MACROD2: variants seen among roughly 807,000 people sequenced by gnomAD.
The protein encoded by MACROD2 is ADP-ribose glycohydrolase MACROD2.
Under a neutral mutation model 70.4 loss-of-function variants are expected in MACROD2, and 36 were observed. That is an observed-to-expected ratio of 0.51 (90% confidence interval 0.39 to 0.68). The LOEUF is 0.68. Ranked by LOEUF, MACROD2 falls within the 30% of genes least tolerant of loss-of-function variation. The probability of loss-of-function intolerance (pLI) is 0.00; values close to 1 mark genes in which losing one functional copy is unlikely to be tolerated. For synonymous variants in MACROD2, 172 were observed against 178.8 expected, an observed-to-expected ratio of 0.96 and a Z score of 0.30; for missense variants, 496 against 538.4, an observed-to-expected ratio of 0.92 and a Z score of 0.78.
At chr20:15,971,883 A>G (rs954611980) in intron 13 of MACROD2, among the ~76,000 whole-genome samples, 1 of 152,200 alleles carries the variant, frequency 6.6e-6, no homozygotes, top group African/African-American at 2.4e-5. Flanking sequence ...GGAAAAGAAA[A>G]GTTGATAAAT....
At chr20:15,028,209 T>C (rs1386434843) in intron 5 of MACROD2, among the ~76,000 whole-genome samples, 2 of 152,180 alleles carry the variant, frequency 1.3e-5, no homozygotes, top group Non-Finnish European at 2.9e-5. Flanking sequence ...GCCATTTCGA[T>C]AGAGAATTCT....
rs57914856 is a variant in MACROD2 at position 15,447,051 on chromosome 20, CGTGTGTGTGTGTGT to C, written c.571+15639_571+15652del. Among the ~76,000 whole-genome samples the C allele has an allele frequency of 8.5e-4, 125 of 146,658 alleles. 3 individuals are homozygous for C. The East Asian group carries it at 0.023, about 28-fold the overall frequency. The stretch of plus-strand genomic sequence containing the variant: ...GGCAGTACTGGGACCTAAGAGTGTG[CGTGTGTGTGTGTGT>C]GTGTGTGTGTGTGTGTGTGTGTCTG... On this transcript the variant is annotated intron_variant, in intron 7 of 17. Transcript: ENST00000684519.
intron 4 of MACROD2, among the ~76,000 whole-genome samples, chr20:14,676,214 G>T (rs928648449): frequency 6.6e-6 from 1 of 152,104 alleles, no homozygotes; most frequent in Non-Finnish European, 1.5e-5. Flanking sequence ...GACATCTACA[G>T]AACTCTCCAC....
intron 5 of MACROD2, among the ~76,000 whole-genome samples, chr20:15,061,044 A>G (rs1416820721): frequency 6.6e-6 from 1 of 152,190 alleles, no homozygotes; most frequent in Admixed American, 6.5e-5. Context: ...AAAAGTCAAG[A>G]TGGTATGAAA....
intron 4 of MACROD2, among the ~76,000 whole-genome samples, chr20:14,548,405 T>C (rs1978408172): frequency 1.3e-5 from 2 of 152,166 alleles, no homozygotes; most frequent in Non-Finnish European, 2.9e-5. Context: ...TGCATTTATC[T>C]TATAAATCTA....
At chr20:14,338,200 G>A (rs6105250) in intron 3 of MACROD2, among the ~76,000 whole-genome samples, 26,095 of 152,070 alleles carry the variant, frequency 0.17, 2,657 homozygotes, top group East Asian at 0.31. Flanking sequence ...TCAGGAGTTC[G>A]AGACCAGCCT....
At chr20:15,376,287 A>G (rs1229967506) in intron 6 of MACROD2, among the ~76,000 whole-genome samples, 3 of 152,304 alleles carry the variant, frequency 2.0e-5, no homozygotes, top group East Asian at 3.9e-4. Context: ...GTATATAAAT[A>G]TCAGCAGTGC....
intron 3 of MACROD2, among the ~76,000 whole-genome samples, chr20:14,431,363 G>C (rs1462212547): frequency 6.6e-6 from 1 of 152,066 alleles, no homozygotes. Context: ...TGTAGGGTGG[G>C]ATGGAGCTTA....
At chr20:14,496,480 C>A (rs2084854463) in intron 4 of MACROD2, among the ~76,000 whole-genome samples, 1 of 152,122 alleles carries the variant, frequency 6.6e-6, no homozygotes, top group African/African-American at 2.4e-5. Context: ...GACTGATCCC[C>A]TGAAAGACTT....
At chr20:15,856,588 A>G (rs74966920) in intron 8 of MACROD2, among the ~76,000 whole-genome samples, 2,626 of 151,946 alleles carry the variant, frequency 0.017, 49 homozygotes, top group East Asian at 0.079. Context: ...TTGTCTAAAC[A>G]TATACTCTGT....
In MACROD2 at chr20:15,230,041, G is replaced by C; in HGVS notation, c.520G>C (p.Glu174Gln). The C allele has an allele frequency of 6.2e-7, 1 of 1,613,380 alleles. No homozygotes were observed. The highest frequency in any genetic ancestry group is 8.5e-7 in the Non-Finnish European group (1 of 1,179,648). ...CYKSSLKLVK[E>Q]NNIRSVAFPC... is the part of the protein sequence containing the mutation. ...TAAATCATCTCTGAAGCTCGTGAAA[G>C]AAAATAACATCCGATCAGTTGTAAG... The change falls in exon 6 of 18, where the codon GAA becomes CAA. Residue 174 changes from glutamate (E) to glutamine (Q), a missense_variant. Glu to Gln is a conservative substitution (Grantham distance 29). Coordinates refer to ENST00000684519, the MANE Select transcript of MACROD2 (RefSeq NM_001351661.2).
At chr20:14,332,346 G>A (rs1215308975) in intron 3 of MACROD2, among the ~76,000 whole-genome samples, 2 of 152,042 alleles carry the variant, frequency 1.3e-5, no homozygotes, top group Non-Finnish European at 2.9e-5. Flanking sequence ...TAGAAAACTA[G>A]TATTTAAATA....
At chr20:15,544,710 A>G (rs1434137107) in intron 8 of MACROD2, among the ~76,000 whole-genome samples, 3 of 152,202 alleles carry the variant, frequency 2.0e-5, no homozygotes, top group Non-Finnish European at 2.9e-5. Context: ...GGGCAGAGCT[A>G]TGTTTTACTT....
chr20:14,776,622 C>G (rs1317023333), intron 5 of MACROD2, among the ~76,000 whole-genome samples: 1 of 152,078 alleles, frequency 6.6e-6, no homozygotes, highest in Non-Finnish European at 1.5e-5. Context: ...TCCCTATCAT[C>G]TGGATATTGT....
chr20:14,270,961 G>C (rs2082188734), intron 3 of MACROD2, among the ~76,000 whole-genome samples: 1 of 152,234 alleles, frequency 6.6e-6, no homozygotes, highest in African/African-American at 2.4e-5. Context: ...CATTGCCCAG[G>C]CTTGCTTAGG....
chr20:15,567,152 T>A (rs2048321678), intron 8 of MACROD2, among the ~76,000 whole-genome samples: 1 of 151,998 alleles, frequency 6.6e-6, no homozygotes, highest in Admixed American at 6.6e-5. Context: ...TTAAAATAAC[T>A]TGGTTTTGAT....
intron 8 of MACROD2, among the ~76,000 whole-genome samples, chr20:15,640,835 G>C (rs1469633706): frequency 6.6e-6 from 1 of 152,126 alleles, no homozygotes; most frequent in Non-Finnish European, 1.5e-5. Flanking sequence ...ACCCGGGTGG[G>C]CTATCCTGCC....
intron 5 of MACROD2, among the ~76,000 whole-genome samples, chr20:14,827,894 C>CTTCA (rs2072920220): frequency 1.3e-5 from 2 of 151,926 alleles, no homozygotes; most frequent in Admixed American, 1.3e-4. Context: ...TATCTAATAT[C>CTTCA]TAATAGTCTC....
At chr20:14,045,505 C>A (rs1202371194) in intron 2 of MACROD2, among the ~76,000 whole-genome samples, 1 of 152,188 alleles carries the variant, frequency 6.6e-6, no homozygotes, top group Admixed American at 6.5e-5. Flanking sequence ...TATTTAAAAG[C>A]AATCAAATAA....
Sources: gnomAD v4.1 joint callset for allele counts (sites outside exome capture counted in the v4.1 genomes callset) on GRCh38, gnomAD v4.1.1 for gene constraint, MANE v1.5 for transcripts, NCBI Gene and HGNC (gene_info 2026-07-23, HGNC 2026-07-21) for gene names.